SNX24: variants seen among roughly 807,000 people sequenced by gnomAD.
SNX24 encodes sorting nexin-24.
In SNX24, 22 loss-of-function variants were observed where a neutral mutation model predicts 28.7. The observed-to-expected ratio is 0.77, with a 90% confidence interval of 0.55 to 1.10. The LOEUF (loss-of-function observed/expected upper bound fraction) is 1.10. Ranked by LOEUF, SNX24 falls within the 50% of genes least tolerant of loss-of-function variation. SNX24 has a pLI of 0.00. For synonymous variants in SNX24, 69 were observed against 71.5 expected (o/e 0.96, Z 0.18); for missense variants, 221 against 201.1 (o/e 1.10, Z -0.60).
chr5:122,939,890 A>G (rs1366035520), intron 2 of SNX24, among the ~76,000 whole-genome samples: 1 of 152,166 alleles, frequency 6.6e-6, no homozygotes, highest in Non-Finnish European at 1.5e-5. Context: ...TTAGAACCAC[A>G]CATCTCAAGG....
At chr5:122,969,011 A>T (rs1203974665) in intron 3 of SNX24, among the ~76,000 whole-genome samples, 1 of 152,134 alleles carries the variant, frequency 6.6e-6, no homozygotes, top group African/African-American at 2.4e-5. Flanking sequence ...GAAGTGTATG[A>T]TAAAAAACGT....
At chr5:122,930,949 A>G (rs760355347) in intron 1 of SNX24, among the ~76,000 whole-genome samples, 6 of 152,202 alleles carry the variant, frequency 3.9e-5, no homozygotes, top group Non-Finnish European at 8.8e-5. Flanking sequence ...GTTTTGTTAA[A>G]AAGTTGATGA....
chr5:122,879,402 A>G (rs748422884), intron 1 of SNX24, among the ~76,000 whole-genome samples: 6 of 152,144 alleles, frequency 3.9e-5, no homozygotes, highest in East Asian at 3.8e-4. Context: ...CAGTCTCACT[A>G]TTTTTTGTCT....
At chr5:122,989,605 G>A (rs1761746916) in intron 3 of SNX24, among the ~76,000 whole-genome samples, 1 of 152,128 alleles carries the variant, frequency 6.6e-6, no homozygotes, top group African/African-American at 2.4e-5. Flanking sequence ...TTTTGATATT[G>A]CTCTTTGTTA....
At chr5:122,954,579 T>C (rs1427810946) in intron 3 of SNX24, among the ~76,000 whole-genome samples, 1 of 152,206 alleles carries the variant, frequency 6.6e-6, no homozygotes, top group East Asian at 1.9e-4. Context: ...TTACCTGTTA[T>C]CTTTACTTTC....
chr5:122,902,672 C>G (rs1213287101), intron 1 of SNX24, among the ~76,000 whole-genome samples: 1 of 152,120 alleles, frequency 6.6e-6, no homozygotes, highest in Non-Finnish European at 1.5e-5. Flanking sequence ...GATTCCCTAG[C>G]CCAGTACACA....
At chr5:122,860,726 A>T (rs1251495443) in intron 1 of SNX24, among the ~76,000 whole-genome samples, 1 of 151,918 alleles carries the variant, frequency 6.6e-6, no homozygotes, top group Non-Finnish European at 1.5e-5. Context: ...CCTCCCTAGT[A>T]GCTGGGACTA....
rs1762485083 is a variant in SNX24 at position 123,008,364 on chromosome 5, G to A, written c.*615G>A. ...GAGTGGAGTTGCATCATACTCAGGGGTTAGCTTCCAAGGTCAGTACATAGG... is the reference window on the plus strand; with the variant it reads ...GAGTGGAGTTGCATCATACTCAGGGATTAGCTTCCAAGGTCAGTACATAGG... On this transcript the variant is annotated 3_prime_UTR_variant, in exon 7 of 7. Transcript: ENST00000261369. 1.1e-6 allele frequency: 1 copy of A among 923,040 alleles called. No homozygotes were observed. Among genetic ancestry groups the A allele is most frequent in the African/African-American group, 1.8e-5 (1 of 55,936 alleles). The allele number at this position is 923,040 out of a possible 1,614,324, so 57.2% of individuals were successfully genotyped here. A position where few individuals can be genotyped will look rare whatever the true frequency, so the allele number is the denominator to read the frequency against.
At chr5:122,870,116 G>C (rs186282322) in intron 1 of SNX24, among the ~76,000 whole-genome samples, 8 of 152,272 alleles carry the variant, frequency 5.3e-5, no homozygotes, top group Non-Finnish European at 7.4e-5. Context: ...CATTTTGCTT[G>C]TAGTATAGAA....
At chr5:122,982,204 G>A (rs540293182) in intron 3 of SNX24, among the ~76,000 whole-genome samples, 4 of 152,300 alleles carry the variant, frequency 2.6e-5, no homozygotes, top group African/African-American at 9.6e-5. Flanking sequence ...CCTATGTCAA[G>A]GGCATGCCAG....
chr5:122,912,265 T>G (rs1325764820), intron 1 of SNX24, among the ~76,000 whole-genome samples: 1 of 138,692 alleles, frequency 7.2e-6, no homozygotes, highest in Non-Finnish European at 1.5e-5. Context: ...GATTTGGCTC[T>G]CTGTTTGTCT....
At chr5:122,984,628 C>G (rs1761520425) in intron 3 of SNX24, among the ~76,000 whole-genome samples, 1 of 152,198 alleles carries the variant, frequency 6.6e-6, no homozygotes, top group South Asian at 2.1e-4. Context: ...AGCTTCTTCT[C>G]ACTGCATTAT....
At position 123,007,671 on chromosome 5, in the gene SNX24, C is replaced by G. The variant is rs774008683; in HGVS notation, c.443-11C>G. On this transcript the variant is annotated splice_polypyrimidine_tract_variant and intron_variant, in intron 6 of 6. Transcript: ENST00000261369. ...TTCTTTTTTTTTTCTTTTTTTTTTT[C>G]TTTTTTTCAGATTTTCCAAATGTGG... 129 of 1,147,308 alleles carry G rather than the reference C, an allele frequency of 1.1e-4. No individual in the cohort carries two copies. The highest frequency in any genetic ancestry group is 2.5e-4 in the Middle Eastern group (1 of 4,070). The allele number at this position is 1,147,308 out of a possible 1,614,324, so 71.1% of individuals were successfully genotyped here.
intron 3 of SNX24, among the ~76,000 whole-genome samples, chr5:122,988,079 CG>C (rs1258958857): frequency 6.6e-6 from 1 of 152,138 alleles, no homozygotes. Flanking sequence ...TTCCAGGACA[CG>C]GTTGGAACAG....
At chr5:122,991,474 T>G (rs1277998887) in intron 3 of SNX24, among the ~76,000 whole-genome samples, 3 of 152,212 alleles carry the variant, frequency 2.0e-5, no homozygotes, top group Non-Finnish European at 4.4e-5. Flanking sequence ...TTGTTCCATT[T>G]TTTGAGACAG....
chr5:122,921,210 G>A (rs553720192), intron 1 of SNX24, among the ~76,000 whole-genome samples: 53 of 151,742 alleles, frequency 3.5e-4, no homozygotes, highest in African/African-American at 1.1e-3. Flanking sequence ...TGTTTCAATT[G>A]GATGTACTAT....
chr5:122,918,268 G>T (rs1758271199), intron 1 of SNX24, among the ~76,000 whole-genome samples: 1 of 152,106 alleles, frequency 6.6e-6, no homozygotes, highest in African/African-American at 2.4e-5. Context: ...GCACAGTTCA[G>T]TTTATAACAG....
chr5:122,953,074 C>CTTTCTTCCTTTA (rs1417106436), intron 3 of SNX24, among the ~76,000 whole-genome samples: 1 of 151,838 alleles, frequency 6.6e-6, no homozygotes, highest in Admixed American at 6.6e-5. Flanking sequence ...TTCTTCCTTT[C>CTTTCTTCCTTTA]TTCCTTTTTT....
chr5:122,934,628 G>A (rs1200465871), intron 1 of SNX24, among the ~76,000 whole-genome samples: 1 of 152,172 alleles, frequency 6.6e-6, no homozygotes, highest in Non-Finnish European at 1.5e-5. Context: ...AAAGTGCTGG[G>A]ATTACAGGCG....
Sources: gnomAD v4.1 joint callset for allele counts (sites outside exome capture counted in the v4.1 genomes callset) on GRCh38, gnomAD v4.1.1 for gene constraint, MANE v1.5 for transcripts, NCBI Gene and HGNC (gene_info 2026-07-23, HGNC 2026-07-21) for gene names.